KIAA1549: variants seen among roughly 807,000 people sequenced by gnomAD.
The protein encoded by KIAA1549 is UPF0606 protein KIAA1549.
KIAA1549 carries 70 observed loss-of-function variants against 156.4 expected under a neutral mutation model. That is an observed-to-expected ratio of 0.45 (90% confidence interval 0.37 to 0.55). The LOEUF (loss-of-function observed/expected upper bound fraction) is 0.55, where lower values mean the gene tolerates loss of function less well. KIAA1549 is among the 20% of genes least tolerant of loss of function. KIAA1549 has a pLI of 0.00. For synonymous variants in KIAA1549, 1,103 were observed against 1,066.4 expected (o/e 1.03, Z -0.67); for missense variants, 2,428 against 2,540.9 (o/e 0.96, Z 0.96).
rs1809715803 is a variant in KIAA1549, at chr7:138,836,641, T to G, written c.*1265A>C. The G allele has an allele frequency of 4.6e-6, 1 of 219,506 alleles. No individual in the cohort carries two copies. The highest frequency in any genetic ancestry group is 9.1e-6 in the Non-Finnish European group (1 of 109,358). 13.6% of individuals were successfully genotyped at this position (219,506 alleles called of 1,614,324 possible). On this transcript the variant is annotated 3_prime_UTR_variant, in exon 20 of 20. Coordinates refer to ENST00000422774, the MANE Select transcript of KIAA1549 (RefSeq NM_001164665.2). The stretch of plus-strand genomic sequence containing the variant: ...TTATTTGGAAAGTGGGGGAAATGTT[T>G]ACATCAGGAGTACATCTTAAGCGAG...
At chr7:138,946,372 A>T (rs757622044) in intron 1 of KIAA1549, among the ~76,000 whole-genome samples, 6 of 152,136 alleles carry the variant, frequency 3.9e-5, no homozygotes, top group Non-Finnish European at 8.8e-5. Context: ...GGGCATCTTC[A>T]GTGAAAATTT....
At chr7:138,857,287 T>C (rs2130359044) in intron 16 of KIAA1549, among the ~76,000 whole-genome samples, 1 of 152,280 alleles carries the variant, frequency 6.6e-6, no homozygotes, top group South Asian at 2.1e-4. Context: ...TGGAGAACCC[T>C]GATTATTTTA....
At chr7:138,857,188 C>A (rs1810418694) in intron 16 of KIAA1549, among the ~76,000 whole-genome samples, 1 of 152,102 alleles carries the variant, frequency 6.6e-6, no homozygotes, top group Non-Finnish European at 1.5e-5. Flanking sequence ...AAGTAAATTT[C>A]TCTCCCCCTC....
At chr7:138,977,980 G>T (rs142758699) in intron 1 of KIAA1549, among the ~76,000 whole-genome samples, 1 of 152,160 alleles carries the variant, frequency 6.6e-6, no homozygotes, top group Non-Finnish European at 1.5e-5. Flanking sequence ...GATTACAGGC[G>T]TGAGCCAGCG....
At chr7:138,960,012 C>A (rs1234704835) in intron 1 of KIAA1549, among the ~76,000 whole-genome samples, 1 of 152,148 alleles carries the variant, frequency 6.6e-6, no homozygotes, top group Non-Finnish European at 1.5e-5. Context: ...TAGGGTGAAT[C>A]AAACAGGAAT....
At chr7:138,957,010 T>C (rs1469855883) in intron 1 of KIAA1549, among the ~76,000 whole-genome samples, 3 of 152,114 alleles carry the variant, frequency 2.0e-5, no homozygotes, top group Non-Finnish European at 1.5e-5. Flanking sequence ...ACAGGGGCAA[T>C]GAGCATCCAA....
At chr7:138,972,554 G>T (rs1463057793) in intron 1 of KIAA1549, among the ~76,000 whole-genome samples, 2 of 151,840 alleles carry the variant, frequency 1.3e-5, no homozygotes, top group Non-Finnish European at 2.9e-5. Flanking sequence ...CGGGCCAATG[G>T]CTCACCTTTC....
intron 9 of KIAA1549, among the ~76,000 whole-genome samples, chr7:138,898,481 A>AG (rs1175210243): frequency 6.6e-6 from 1 of 152,110 alleles, no homozygotes; most frequent in Non-Finnish European, 1.5e-5. Flanking sequence ...AGGACTGAAA[A>AG]GGGGAAGGAT....
intron 16 of KIAA1549, among the ~76,000 whole-genome samples, chr7:138,859,421 T>A (rs757339844): frequency 6.6e-6 from 1 of 152,174 alleles, no homozygotes; most frequent in Non-Finnish European, 1.5e-5. Flanking sequence ...TTTTGAGGGT[T>A]GTTCCTGCTA....
chr7:138,968,586 G>A (rs148461549), intron 1 of KIAA1549, among the ~76,000 whole-genome samples: 3 of 151,574 alleles, frequency 2.0e-5, no homozygotes, highest in East Asian at 2.0e-4. Context: ...GGTGGCTCAC[G>A]CCTGTAATCC....
At position 138,911,283 on chromosome 7, in the gene KIAA1549, G is replaced by C. The variant is rs1195528738; in HGVS notation, c.3008C>G (p.Ser1003Cys). The C allele has an allele frequency of 6.2e-7, 1 of 1,601,864 alleles. No individual in the cohort carries two copies. Among genetic ancestry groups the C allele is most frequent in the Admixed American group, 1.7e-5 (1 of 58,480 alleles). Reference protein sequence around the residue: ...LFTDFTFLVTSGPFVYTAISV... With the variant: ...LFTDFTFLVTCGPFVYTAISV... ...TATTGCCGTGTAAACGAAAGGACCG[G>C]ATGTTACCAGAAAAGTGAAGTCAGT... is the stretch of plus-strand genomic sequence containing the variant. Residue 1003 changes from serine to cysteine, a missense_variant, in exon 4 of 20, where the codon TCC becomes TGC. Coordinates refer to ENST00000422774, the MANE Select transcript of KIAA1549 (RefSeq NM_001164665.2).
At chr7:138,896,152 G>A (rs573543160) in intron 9 of KIAA1549, among the ~76,000 whole-genome samples, 2 of 152,272 alleles carry the variant, frequency 1.3e-5, no homozygotes, top group South Asian at 2.1e-4. Flanking sequence ...TCATTCATCC[G>A]GTCTTGACGC....
intron 16 of KIAA1549, among the ~76,000 whole-genome samples, chr7:138,860,267 T>A (rs1457775356): frequency 6.6e-6 from 1 of 152,216 alleles, no homozygotes; most frequent in Non-Finnish European, 1.5e-5. Flanking sequence ...CAGTTCCCCA[T>A]ACTGGAGGCT....
Position 138,871,257 on chromosome 7 carries a change from C to G in KIAA1549, c.4451G>C (p.Ser1484Thr). Residue 1484 changes from serine (S) to threonine (T), a missense_variant, in exon 13 of 20, where the codon AGT (serine) becomes ACT (threonine). This residue lies in a region of KIAA1549 where 404 missense variants were observed against 417.0 expected (regional missense o/e 0.97). Coordinates refer to ENST00000422774, the MANE Select transcript of KIAA1549 (RefSeq NM_001164665.2). ...CTGCATGGCGATAAGCTGGATCTTA[C>G]TGGGGACCCGCCGGCTAGCCTCCGG... ...RPPEASRRVP[S>T]KIQLIAMQPI... The G allele has an allele frequency of 6.2e-7, 1 of 1,612,452 alleles. No homozygotes were observed. Among genetic ancestry groups the G allele is most frequent in the Non-Finnish European group, 8.5e-7 (1 of 1,179,436 alleles).
chr7:138,939,391 CTT>C (rs1813108345), intron 1 of KIAA1549, among the ~76,000 whole-genome samples: 2 of 152,296 alleles, frequency 1.3e-5, no homozygotes, highest in East Asian at 3.9e-4. Flanking sequence ...TCTTAGGTCT[CTT>C]TTACTTTATA....
At chr7:138,867,616 A>G (rs115519256) in intron 15 of KIAA1549, among the ~76,000 whole-genome samples, 1,764 of 152,272 alleles carry the variant, frequency 0.012, 38 homozygotes, top group African/African-American at 0.04. Context: ...AGGGAGAAGG[A>G]AAAAAACCTT....
intron 10 of KIAA1549, among the ~76,000 whole-genome samples, chr7:138,890,429 G>GA (rs1425173831): frequency 2.0e-5 from 3 of 152,254 alleles, no homozygotes; most frequent in African/African-American, 7.2e-5. Context: ...TGTCATTTGT[G>GA]AAACGTCACC....
intron 16 of KIAA1549, among the ~76,000 whole-genome samples, chr7:138,852,660 A>C (rs1322493089): frequency 6.6e-6 from 1 of 152,246 alleles, no homozygotes; most frequent in Non-Finnish European, 1.5e-5. Flanking sequence ...CACAATTAGC[A>C]CAAGTGACTC....
At chr7:138,935,986 A>C (rs1812998950) in intron 1 of KIAA1549, among the ~76,000 whole-genome samples, 1 of 152,212 alleles carries the variant, frequency 6.6e-6, no homozygotes, top group South Asian at 2.1e-4. Context: ...ATAGGAAGGA[A>C]TAGGATATTT....
Sources: allele counts gnomAD v4.1 joint callset (sites outside exome capture counted in the v4.1 genomes callset), GRCh38; gene constraint gnomAD v4.1.1; regional missense constraint gnomAD v4.1.1; transcripts MANE v1.5; gene names NCBI Gene and HGNC (gene_info 2026-07-23, HGNC 2026-07-21).